Variants in ADAM23 observed in about 807,000 individuals in gnomAD.
The protein encoded by ADAM23 is disintegrin and metalloproteinase domain-containing protein 23.
Under a neutral mutation model 120.1 loss-of-function variants are expected in ADAM23, and 33 were observed. The observed-to-expected ratio is 0.27, with a 90% confidence interval of 0.21 to 0.37. The LOEUF is 0.37. ADAM23 is among the 10% of genes least tolerant of loss of function. ADAM23 has a pLI of 1.00. For missense variants in ADAM23, 862 were observed against 1,058.2 expected (o/e 0.81, Z 2.57); for synonymous variants, 367 against 375.2 (o/e 0.98, Z 0.25).
chr2:206,481,235 G>A lies in ADAM23; in HGVS notation c.436G>A (p.Val146Ile). The A allele has an allele frequency of 6.2e-7, 1 of 1,609,062 alleles. No individual in the cohort carries two copies. The highest frequency in any genetic ancestry group is 8.5e-7 in the Non-Finnish European group (1 of 1,178,070). Residue 146 changes from valine (V) to isoleucine (I), a missense_variant, in exon 3 of 26, where the codon GTC (valine) becomes ATC (isoleucine). Physicochemically the swap from Val to Ile is conservative, Grantham distance 29 (BLOSUM62 3). Transcript: ENST00000264377. The part of the protein sequence containing the change: ...ARHQQKHNKA[V>I]HLAQASFQIE... ...TTCTGTCTTTTTGAATCCATAGGCT[G>A]TCCATCTGGCCCAGGCAAGCTTCCA...
intron 3 of ADAM23, among the ~76,000 whole-genome samples, chr2:206,489,024 C>T (rs1165871906): frequency 1.3e-5 from 2 of 152,168 alleles, no homozygotes; most frequent in African/African-American, 4.8e-5. Context: ...ATGTTTTTTT[C>T]AGCTCTGCGG....
intron 2 of ADAM23, among the ~76,000 whole-genome samples, chr2:206,472,162 C>A (rs1380263589): frequency 6.6e-6 from 1 of 152,180 alleles, no homozygotes; most frequent in Non-Finnish European, 1.5e-5. Context: ...CCCCCATACC[C>A]ACCATAAGAT....
chr2:206,512,668 C>G (rs933908608), intron 3 of ADAM23, among the ~76,000 whole-genome samples: 16 of 151,484 alleles, frequency 1.1e-4, no homozygotes, highest in African/African-American at 3.4e-4. Flanking sequence ...TTTTTTTGAG[C>G]AAAAAGCATC....
intron 3 of ADAM23, among the ~76,000 whole-genome samples, chr2:206,490,820 T>A (rs550705894): frequency 4.4e-4 from 67 of 152,276 alleles, no homozygotes; most frequent in African/African-American, 1.6e-3. Context: ...CTGGTCTGAG[T>A]CAACCCATAT....
At chr2:206,488,224 G>A (rs866609126) in intron 3 of ADAM23, among the ~76,000 whole-genome samples, 14 of 152,174 alleles carry the variant, frequency 9.2e-5, no homozygotes, top group East Asian at 5.8e-4. Flanking sequence ...TCTCGTTTGC[G>A]TAAGACACTG....
chr2:206,452,132 C>T (rs142317466), intron 2 of ADAM23, among the ~76,000 whole-genome samples: 1 of 152,354 alleles, frequency 6.6e-6, no homozygotes, highest in East Asian at 1.9e-4. Flanking sequence ...GATGTGGCTC[C>T]TCTTTAGATA....
chr2:206,451,177 A>C (rs1400689995), intron 2 of ADAM23, among the ~76,000 whole-genome samples: 1 of 152,236 alleles, frequency 6.6e-6, no homozygotes. Flanking sequence ...CTCCAGGTGC[A>C]AAGGCCTGAC....
intron 3 of ADAM23, among the ~76,000 whole-genome samples, chr2:206,509,492 A>T (rs1310868220): frequency 1.3e-5 from 2 of 152,000 alleles, no homozygotes; most frequent in East Asian, 1.9e-4. Flanking sequence ...TCTGTCACCC[A>T]GGCTGGAGTG....
chr2:206,485,860 G>T (rs1430707844), intron 3 of ADAM23, among the ~76,000 whole-genome samples: 1 of 152,184 alleles, frequency 6.6e-6, no homozygotes. Flanking sequence ...AAGCAAGAAG[G>T]CCTATCTGAG....
intron 24 of ADAM23, among the ~76,000 whole-genome samples, chr2:206,603,641 T>G (rs1698679679): frequency 6.6e-6 from 1 of 152,186 alleles, no homozygotes; most frequent in South Asian, 2.1e-4. Flanking sequence ...ACAGAATATA[T>G]CTATTCATCT....
At chr2:206,512,772 C>T (rs1467130794) in intron 3 of ADAM23, among the ~76,000 whole-genome samples, 1 of 152,148 alleles carries the variant, frequency 6.6e-6, no homozygotes, top group Non-Finnish European at 1.5e-5. Flanking sequence ...GTGCTTCTAA[C>T]AAGTTGAAGG....
chr2:206,447,625 G>A (rs901633889), intron 2 of ADAM23, among the ~76,000 whole-genome samples: 13 of 152,170 alleles, frequency 8.5e-5, no homozygotes, highest in African/African-American at 3.1e-4. Flanking sequence ...TGTATCTTAG[G>A]ATGACTTGCT....
At chr2:206,539,347 G>A (rs1003726592) in intron 4 of ADAM23, among the ~76,000 whole-genome samples, 1 of 152,188 alleles carries the variant, frequency 6.6e-6, no homozygotes, top group Admixed American at 6.5e-5. Flanking sequence ...GGGCTGAATC[G>A]AGCCCTTTTT....
intron 20 of ADAM23, 140 bp from the exon 21 acceptor site, chr2:206,589,269 A>G: frequency 9.6e-6 from 6 of 625,896 alleles, no homozygotes; most frequent in Non-Finnish European, 1.6e-5. Context: ...TATACCATGG[A>G]AACTTGCAAA....
At chr2:206,516,323 C>A (rs1229840086) in intron 3 of ADAM23, among the ~76,000 whole-genome samples, 6 of 151,328 alleles carry the variant, frequency 4.0e-5, no homozygotes, top group Admixed American at 2.6e-4. Flanking sequence ...AATGTAAATG[C>A]GTTTTTTTTC....
In ADAM23 at chr2:206,589,437, T is replaced by C; in HGVS notation, c.1881T>C (p.Tyr627=). ...TKAAGSDKFC[Y]EKLNTEGTEK... ...CTGCAGGGTCTGACAAGTTCTGCTA[T>C]GAAAAGCTGAATACAGAAGGCACTG... is the stretch of plus-strand genomic sequence containing the variant. Residue 627 remains tyrosine, a synonymous_variant, in exon 21 of 26, where the codon TAT becomes TAC. Transcript: ENST00000264377. The C allele has an allele frequency of 6.2e-7, 1 of 1,613,836 alleles. No individual in the cohort carries two copies. The highest frequency in any genetic ancestry group is 8.5e-7 in the Non-Finnish European group (1 of 1,179,888).
intron 2 of ADAM23, among the ~76,000 whole-genome samples, chr2:206,474,124 G>T (rs1180406959): frequency 1.3e-5 from 2 of 151,870 alleles, no homozygotes; most frequent in African/African-American, 4.8e-5. Context: ...TTGCTGGTTA[G>T]CCCATAATAC....
At chr2:206,591,618 A>G (rs1174003333) in intron 21 of ADAM23, among the ~76,000 whole-genome samples, 1 of 152,108 alleles carries the variant, frequency 6.6e-6, no homozygotes, top group Non-Finnish European at 1.5e-5. Flanking sequence ...ATATTCTTGT[A>G]TATGTAACCT....
intron 24 of ADAM23, chr2:206,607,102 C>T (rs563071892): frequency 1.3e-5 from 2 of 152,316 alleles, no homozygotes; most frequent in South Asian, 4.1e-4. Flanking sequence ...TGACATGAGC[C>T]TTCTTTCTCC....
Sources: allele counts gnomAD v4.1 joint callset (sites outside exome capture counted in the v4.1 genomes callset), GRCh38; gene constraint gnomAD v4.1.1; transcripts MANE v1.5; gene names NCBI Gene and HGNC (gene_info 2026-07-23, HGNC 2026-07-21).